KCNH5: variants seen among roughly 807,000 people sequenced by gnomAD.
The protein encoded by KCNH5 is voltage-gated delayed rectifier potassium channel KCNH5.
Under a neutral mutation model 96.1 loss-of-function variants are expected in KCNH5, and 46 were observed. The ratio of observed to expected loss-of-function variants is 0.48; its 90% CI spans 0.38 to 0.61. KCNH5 has a LOEUF of 0.61. Ranked by LOEUF, KCNH5 falls within the 20% of genes least tolerant of loss-of-function variation. The probability of loss-of-function intolerance (pLI) is 0.00; values close to 1 mark genes in which losing one functional copy is unlikely to be tolerated. For synonymous variants in KCNH5, 439 were observed against 449.8 expected (o/e 0.98, Z 0.30); for missense variants, 907 against 1,225.8 (o/e 0.74, Z 3.88).
chr14:62,896,726 G>A (rs12431729), intron 7 of KCNH5, among the ~76,000 whole-genome samples: 45,569 of 151,924 alleles, frequency 0.3, 8,196 homozygotes, highest in South Asian at 0.61. Flanking sequence ...AAAGACCTTC[G>A]TGAGGTCACA....
chr14:62,925,190 G>C (rs1211820594), intron 7 of KCNH5, among the ~76,000 whole-genome samples: 1 of 151,860 alleles, frequency 6.6e-6, no homozygotes, highest in East Asian at 1.9e-4. Flanking sequence ...CCAGAATTTA[G>C]ATCTATCACT....
intron 7 of KCNH5, among the ~76,000 whole-genome samples, chr14:62,896,025 A>C (rs1012990857): frequency 1.2e-4 from 18 of 152,248 alleles, no homozygotes; most frequent in Admixed American, 6.5e-5. Context: ...AAGCTTTCCC[A>C]GTAGGCAAAA....
At chr14:62,862,281 G>A (rs748278771) in intron 7 of KCNH5, among the ~76,000 whole-genome samples, 4 of 152,016 alleles carry the variant, frequency 2.6e-5, no homozygotes, top group African/African-American at 7.2e-5. Flanking sequence ...TGAAGTGGCC[G>A]GCACTGCCAA....
At chr14:62,788,762 G>C (rs1327213569) in intron 9 of KCNH5, among the ~76,000 whole-genome samples, 1 of 152,076 alleles carries the variant, frequency 6.6e-6, no homozygotes, top group African/African-American at 2.4e-5. Context: ...TGAAGGCTCA[G>C]ATGATCATTA....
intron 7 of KCNH5, among the ~76,000 whole-genome samples, chr14:62,884,776 A>G (rs1357404062): frequency 1.3e-5 from 2 of 152,246 alleles, no homozygotes; most frequent in Non-Finnish European, 2.9e-5. Context: ...TAAAATCAGA[A>G]TGTGGAAAAT....
intron 4 of KCNH5, among the ~76,000 whole-genome samples, chr14:62,988,545 T>C (rs1460706023): frequency 6.6e-6 from 1 of 152,094 alleles, no homozygotes; most frequent in East Asian, 1.9e-4. Flanking sequence ...AATAACTGGA[T>C]TGGAAAAGAA....
rs968396728 is a variant in KCNH5 at position 62,824,057 on chromosome 14, T to A, written c.1570-21476A>T. Among the ~76,000 whole-genome samples, 3 of 151,360 alleles carry A rather than the reference T, an allele frequency of 2.0e-5. No homozygotes were observed. The East Asian group carries it at 5.8e-4, about 29-fold the overall frequency. On this transcript the variant is annotated intron_variant, in intron 8 of 10. Transcript: ENST00000322893. ...AAAACATCAAACATACAGAAAAACA[T>A]CCAGGATTTAACCAATCCCAGAGAG... is the stretch of plus-strand genomic sequence containing the variant.
At chr14:62,925,888 G>A (rs1015215521) in intron 7 of KCNH5, among the ~76,000 whole-genome samples, 8 of 151,970 alleles carry the variant, frequency 5.3e-5, no homozygotes, top group African/African-American at 1.4e-4. Flanking sequence ...AGAAAAACAC[G>A]ACTTGGAAAA....
intron 3 of KCNH5, among the ~76,000 whole-genome samples, chr14:63,004,526 G>T (rs1197206092): frequency 6.6e-6 from 1 of 152,184 alleles, no homozygotes; most frequent in Non-Finnish European, 1.5e-5. Flanking sequence ...AACTACCTTG[G>T]AAAGACTTCT....
At chr14:62,807,341 G>C (rs1886787761) in intron 8 of KCNH5, among the ~76,000 whole-genome samples, 1 of 152,070 alleles carries the variant, frequency 6.6e-6, no homozygotes. Context: ...TATATATGTT[G>C]TATGTAATGT....
intron 10 of KCNH5, among the ~76,000 whole-genome samples, chr14:62,728,563 G>A (rs2139921522): frequency 6.6e-6 from 1 of 152,170 alleles, no homozygotes; most frequent in East Asian, 1.9e-4. Flanking sequence ...ATTTTTATTA[G>A]TTTATAATTA....
chr14:63,044,321 GA>G (rs1891881462), intron 1 of KCNH5, among the ~76,000 whole-genome samples: 1 of 152,188 alleles, frequency 6.6e-6, no homozygotes, highest in South Asian at 2.1e-4. Context: ...TGTAGGAAAT[GA>G]ATGTATAAAT....
intron 8 of KCNH5, among the ~76,000 whole-genome samples, chr14:62,836,367 T>G (rs1206678799): frequency 6.6e-6 from 1 of 152,162 alleles, no homozygotes; most frequent in Admixed American, 6.6e-5. Context: ...ATTCCAAGTT[T>G]CATTGTTCCT....
intron 10 of KCNH5, among the ~76,000 whole-genome samples, chr14:62,722,449 G>T (rs1884835321): frequency 6.6e-6 from 1 of 152,154 alleles, no homozygotes; most frequent in Non-Finnish European, 1.5e-5. Context: ...TCTACACAGT[G>T]AAGAGTGACA....
chr14:62,720,395 C>CT (rs977133746), intron 10 of KCNH5, among the ~76,000 whole-genome samples: 8 of 103,806 alleles, frequency 7.7e-5, no homozygotes, highest in African/African-American at 2.7e-4. Flanking sequence ...AATTAAGAGA[C>CT]TTTTTGACCC....
chr14:63,044,948 T>C (rs1254827913), intron 1 of KCNH5, among the ~76,000 whole-genome samples, 166 bp downstream of exon 1: 1 of 151,988 alleles, frequency 6.6e-6, no homozygotes, highest in Non-Finnish European at 1.5e-5. Context: ...CACCATCTCA[T>C]TGCCACCCCA....
intron 7 of KCNH5, among the ~76,000 whole-genome samples, chr14:62,853,784 C>T (rs978043021): frequency 4.6e-5 from 7 of 151,562 alleles, no homozygotes; most frequent in South Asian, 2.1e-4. Context: ...CCAAGGCAGG[C>T]GATCACAAGG....
intron 1 of KCNH5, among the ~76,000 whole-genome samples, chr14:63,019,585 G>C (rs540833007): frequency 1.4e-4 from 21 of 152,010 alleles, no homozygotes; most frequent in African/African-American, 4.6e-4. Flanking sequence ...CAACTGAATA[G>C]GTAAAGTCTT....
chr14:62,775,188 A>G (rs1396766008), intron 10 of KCNH5, among the ~76,000 whole-genome samples: 1 of 152,196 alleles, frequency 6.6e-6, no homozygotes, highest in African/African-American at 2.4e-5. Context: ...AACCTTTCCA[A>G]TTAAAGGAAA....
Sources: allele counts gnomAD v4.1 joint callset (sites outside exome capture counted in the v4.1 genomes callset), GRCh38; gene constraint gnomAD v4.1.1; transcripts MANE v1.5; gene names NCBI Gene and HGNC (gene_info 2026-07-23, HGNC 2026-07-21).